The following SORBS2 variants were observed in gnomAD, a reference collection of about 807,000 sequenced individuals.
The protein encoded by SORBS2 is sorbin and SH3 domain containing 2, also known as sorbin and SH3 domain-containing protein 2.
Under a neutral mutation model 97.7 loss-of-function variants are expected in SORBS2, and 46 were observed. The ratio of observed to expected loss-of-function variants is 0.47; its 90% CI spans 0.37 to 0.60. The LOEUF is 0.60. Among genes scored for constraint, SORBS2 ranks in the 20% least tolerant of loss-of-function variants. The probability of loss-of-function intolerance (pLI) is 0.00; values close to 1 mark genes in which losing one functional copy is unlikely to be tolerated. For synonymous variants in SORBS2, 476 were observed against 473.4 expected, an observed-to-expected ratio of 1.01 and a Z score of -0.07; for missense variants, 1,316 against 1,282.3, an observed-to-expected ratio of 1.03 and a Z score of -0.40.
intron 3 of SORBS2, among the ~76,000 whole-genome samples, chr4:185,647,340 C>T (rs1010416903): frequency 5.3e-5 from 8 of 151,324 alleles, no homozygotes; most frequent in Admixed American, 1.3e-4. Context: ...AGAAGACTTA[C>T]GAAGGAAAGC....
At chr4:185,660,902 C>T (rs1322064954), upstream of SORBS2, among the ~76,000 whole-genome samples, 2 of 152,206 alleles carry the variant, frequency 1.3e-5, no homozygotes, top group African/African-American at 2.4e-5. Context: ...GAAACTTGTA[C>T]AGCCTGAATT....
intron 1 of SORBS2, among the ~76,000 whole-genome samples, chr4:185,953,039 G>T (rs2099277936): frequency 6.6e-6 from 1 of 152,222 alleles, no homozygotes; most frequent in Non-Finnish European, 1.5e-5. Flanking sequence ...CCCAGGCCGG[G>T]CGCGGTGGCT....
At chr4:185,589,612 A>G in intron 14 of SORBS2, 67 bp downstream of exon 26, 1 of 897,438 alleles carries the variant, frequency 1.1e-6, no homozygotes, top group East Asian at 2.4e-5. Context: ...ACAGCAAACC[A>G]CGGGAGTGAG....
At chr4:185,869,148 A>T (rs962239925) in intron 1 of SORBS2, among the ~76,000 whole-genome samples, 6 of 152,234 alleles carry the variant, frequency 3.9e-5, no homozygotes, top group African/African-American at 1.2e-4. Flanking sequence ...TATTCCAAAC[A>T]GCAAACTCTA....
chr4:185,617,816 T>C (rs2096651516), intron 9 of SORBS2, among the ~76,000 whole-genome samples: 1 of 152,218 alleles, frequency 6.6e-6, no homozygotes, highest in Non-Finnish European at 1.5e-5. Flanking sequence ...TCAGAATCTC[T>C]GAGCTTTGCA....
At position 185,620,361 on chromosome 4, in the gene SORBS2, T is replaced by G. The variant is rs142269666; in HGVS notation, c.2216-210A>C. ...TTTCAAAAGGAAAAATATCTGAGGTTGCAGAATTATAATTGTCTATATAAA... is the reference window on the plus strand; with the variant it reads ...TTTCAAAAGGAAAAATATCTGAGGTGGCAGAATTATAATTGTCTATATAAA... On this transcript the variant is annotated intron_variant, in intron 7 of 14. Coordinates refer to ENST00000418609, the Ensembl canonical transcript of SORBS2. Among the ~76,000 whole-genome samples the G allele has an allele frequency of 3.3e-5, 5 of 152,328 alleles. No homozygotes were observed. The East Asian group carries it at 9.6e-4, about 29-fold the overall frequency.
intron 2 of SORBS2, among the ~76,000 whole-genome samples, chr4:185,702,210 G>A (rs2153533892): frequency 6.6e-6 from 1 of 152,300 alleles, no homozygotes; most frequent in Non-Finnish European, 1.5e-5. Flanking sequence ...CGGTTCTGCA[G>A]CCTGCACGGG....
At chr4:185,810,554 G>C (rs2099175794) in intron 1 of SORBS2, among the ~76,000 whole-genome samples, 1 of 152,118 alleles carries the variant, frequency 6.6e-6, no homozygotes, top group Non-Finnish European at 1.5e-5. Context: ...ATTTTCAATA[G>C]TATTATAAGT....
chr4:185,631,770 C>T (rs2096911515), intron 4 of SORBS2, among the ~76,000 whole-genome samples: 1 of 123,430 alleles, frequency 8.1e-6, no homozygotes, highest in South Asian at 3.1e-4. Context: ...CTCAAAAAAA[C>T]AAAAACAAAA....
At chr4:185,944,643 A>G (rs2099273678) in intron 1 of SORBS2, among the ~76,000 whole-genome samples, 1 of 152,232 alleles carries the variant, frequency 6.6e-6, no homozygotes, top group South Asian at 2.1e-4. Flanking sequence ...GGCATAACTA[A>G]AAGAGTTCAG....
intron 1 of SORBS2, among the ~76,000 whole-genome samples, chr4:185,787,396 G>T (rs1428715042): frequency 1.3e-5 from 2 of 152,184 alleles, no homozygotes; most frequent in African/African-American, 4.8e-5. Flanking sequence ...GTACGTAAAA[G>T]ACAACATCTT....
At chr4:185,915,529 T>C (rs1403011035) in intron 1 of SORBS2, among the ~76,000 whole-genome samples, 1 of 152,202 alleles carries the variant, frequency 6.6e-6, no homozygotes, top group Non-Finnish European at 1.5e-5. Context: ...TTTGCTGCAG[T>C]CACACTGCAG....
Position 185,641,215 on chromosome 4 carries a change from T to C in SORBS2, c.396+5453A>G, listed in dbSNP as rs149000369. On this transcript the variant is annotated intron_variant, in intron 4 of 14. Coordinates refer to ENST00000418609, the Ensembl canonical transcript of SORBS2. The stretch of plus-strand genomic sequence containing the variant: ...TGGCAGTTTTCCATGAATTATGCTT[T>C]TGTTTATTTAAATAGTCAATTTATA... Among the ~76,000 whole-genome samples, 1,217 of 152,236 alleles carry C rather than the reference T, an allele frequency of 8.0e-3. 11 individuals are homozygous for C. The highest frequency in any genetic ancestry group is 0.014 in the Non-Finnish European group (964 of 68,000).
intron 1 of SORBS2, among the ~76,000 whole-genome samples, chr4:185,909,985 G>GAAAAAAAAAAAAAAAAAAAAAAAAAA (rs142443290): frequency 8.9e-6 from 1 of 112,672 alleles, no homozygotes; most frequent in African/African-American, 3.4e-5. Flanking sequence ...CTCCATCTCA[G>GAAAAAAAAAAAAAAAAAAAAAAAAAA]AAAAAAAAAA....
At chr4:185,741,393 CTTTTTTTTTTGTTTT>C (rs2098724620) in intron 2 of SORBS2, among the ~76,000 whole-genome samples, 2 of 119,572 alleles carry the variant, frequency 1.7e-5, no homozygotes, top group African/African-American at 6.3e-5. Flanking sequence ...TCTTTCTTTT[CTTTTTTTTTTGTTTT>C]TTTTTTTTTT....
intron 1 of SORBS2, among the ~76,000 whole-genome samples, chr4:185,859,974 C>T (rs1398735033): frequency 2.0e-5 from 3 of 152,174 alleles, no homozygotes; most frequent in Non-Finnish European, 4.4e-5. Flanking sequence ...TAACAATATG[C>T]TCAAGATCCT....
At chr4:185,743,486 C>T (rs572631120) in intron 2 of SORBS2, among the ~76,000 whole-genome samples, 1 of 152,300 alleles carries the variant, frequency 6.6e-6, no homozygotes, top group East Asian at 1.9e-4. Flanking sequence ...TCCACATTGT[C>T]CTTCATTGCT....
chr4:185,588,297 T>C (rs1259890200), intron 14 of SORBS2: 1 of 152,302 alleles, frequency 6.6e-6, no homozygotes, highest in Non-Finnish European at 1.5e-5. Context: ...GATTAAGCAC[T>C]ATTTGTGTGT....
chr4:185,913,876 T>C (rs780358702), intron 1 of SORBS2, among the ~76,000 whole-genome samples: 1 of 152,170 alleles, frequency 6.6e-6, no homozygotes, highest in South Asian at 2.1e-4. Flanking sequence ...GTAGAAAACA[T>C]AATTTAATCT....
Sources: allele counts gnomAD v4.1 joint callset (sites outside exome capture counted in the v4.1 genomes callset), GRCh38; gene constraint gnomAD v4.1.1; transcripts MANE v1.5; gene names NCBI Gene and HGNC (gene_info 2026-07-23, HGNC 2026-07-21).